Variants in TMTC1 observed in about 807,000 individuals in gnomAD.
TMTC1 encodes protein O-mannosyl-transferase TMTC1.
TMTC1 carries 73 observed loss-of-function variants against 104.8 expected under a neutral mutation model. The observed-to-expected ratio is 0.70, with a 90% CI of 0.58 to 0.85. The LOEUF (loss-of-function observed/expected upper bound fraction) is 0.85. Ranked by LOEUF, TMTC1 falls within the 40% of genes least tolerant of loss-of-function variation. TMTC1 has a pLI of 0.00. For missense variants in TMTC1, 1,035 were observed against 1,096.1 expected (o/e 0.94, Z 0.79); for synonymous variants, 434 against 428.7 (o/e 1.01, Z -0.15).
At chr12:29,784,076 C>T (rs2120717758), upstream of TMTC1, among the ~76,000 whole-genome samples, 1 of 152,074 alleles carries the variant, frequency 6.6e-6, no homozygotes, top group Non-Finnish European at 1.5e-5. Context: ...GCCCTCTGCC[C>T]CCGGCCCGCC....
At position 29,650,803 on chromosome 12, in the gene TMTC1, C is replaced by T. The variant is rs185383042; in HGVS notation, c.939-17467G>A. ...GGAGATCTGCAAGGGCCCAGGATTC[C>T]GAGGCGTTCAGTTCTGGTGGTTCAT... is the stretch of plus-strand genomic sequence containing the variant. On this transcript the variant is annotated intron_variant, in intron 5 of 17. Transcript: ENST00000539277. Among the ~76,000 whole-genome samples, 59 of 152,206 alleles carry T rather than the reference C, an allele frequency of 3.9e-4. No individual in the cohort carries two copies. In the East Asian group the frequency reaches 6.6e-3, roughly 17 times the overall value.
intron 5 of TMTC1, among the ~76,000 whole-genome samples, chr12:29,664,157 A>G (rs1229306920): frequency 2.0e-5 from 3 of 151,460 alleles, no homozygotes; most frequent in Non-Finnish European, 4.4e-5. Flanking sequence ...ACTGCACTCC[A>G]GCCTGGGCGA....
At chr12:29,735,885 G>A (rs1942659253) in intron 5 of TMTC1, among the ~76,000 whole-genome samples, 1 of 152,194 alleles carries the variant, frequency 6.6e-6, no homozygotes, top group Non-Finnish European at 1.5e-5. Flanking sequence ...CTCTGAGTCA[G>A]CCTTGCATAA....
At chr12:29,624,438 G>T (rs1439066918) in intron 6 of TMTC1, among the ~76,000 whole-genome samples, 1 of 152,170 alleles carries the variant, frequency 6.6e-6, no homozygotes, top group Non-Finnish European at 1.5e-5. Flanking sequence ...GATACTGTGT[G>T]TGCTCAAGGT....
chr12:29,707,114 T>C (rs1340977517), intron 5 of TMTC1, among the ~76,000 whole-genome samples: 1 of 151,996 alleles, frequency 6.6e-6, no homozygotes, highest in Non-Finnish European at 1.5e-5. Flanking sequence ...CCCTGCAAAA[T>C]GGTTGCTTTT....
intron 7 of TMTC1, among the ~76,000 whole-genome samples, chr12:29,589,563 T>A (rs1946226808): frequency 6.6e-6 from 1 of 152,216 alleles, no homozygotes; most frequent in Non-Finnish European, 1.5e-5. Context: ...AACTACTGCA[T>A]TCATGACATC....
chr12:29,761,202 G>T (rs991270281), intron 2 of TMTC1, among the ~76,000 whole-genome samples: 1 of 150,198 alleles, frequency 6.7e-6, no homozygotes, highest in African/African-American at 2.4e-5. Context: ...ATGAAGACTG[G>T]TAACTGTTTC....
chr12:29,710,133 CGTTT>C (rs750223479), intron 5 of TMTC1, among the ~76,000 whole-genome samples: 1 of 152,074 alleles, frequency 6.6e-6, no homozygotes, highest in Non-Finnish European at 1.5e-5. Flanking sequence ...TCTGTTTTCT[CGTTT>C]GTTTCCCTCT....
intron 4 of TMTC1, among the ~76,000 whole-genome samples, chr12:29,752,815 T>G (rs1943124511): frequency 6.6e-6 from 1 of 152,148 alleles, no homozygotes; most frequent in Non-Finnish European, 1.5e-5. Context: ...GTATATGAAG[T>G]AAAGTCCTAG....
At chr12:29,645,796 G>T (rs1939240661) in intron 5 of TMTC1, among the ~76,000 whole-genome samples, 1 of 152,174 alleles carries the variant, frequency 6.6e-6, no homozygotes, top group Non-Finnish European at 1.5e-5. Flanking sequence ...CTCTATACAA[G>T]AATCCTGTTG....
intron 14 of TMTC1, 71 bp downstream of exon 14, chr12:29,517,356 T>C (rs1196244647): frequency 1.9e-6 from 3 of 1,556,504 alleles, no homozygotes; most frequent in Non-Finnish European, 2.6e-6. Flanking sequence ...TTTTGAGGCG[T>C]GAGGACTACA....
chr12:29,538,375 G>C (rs1191181069), intron 10 of TMTC1, among the ~76,000 whole-genome samples: 1 of 151,830 alleles, frequency 6.6e-6, no homozygotes, highest in African/African-American at 2.4e-5. Context: ...ATTATCTTAT[G>C]GTCAGCAGAA....
chr12:29,544,089 C>CA (rs778434352), intron 10 of TMTC1, among the ~76,000 whole-genome samples: 17 of 151,964 alleles, frequency 1.1e-4, no homozygotes, highest in Admixed American at 2.6e-4. Context: ...ACTAAAAATA[C>CA]AAAAATTAGC....
At chr12:29,735,731 G>C (rs568004318) in intron 5 of TMTC1, among the ~76,000 whole-genome samples, 4 of 152,188 alleles carry the variant, frequency 2.6e-5, no homozygotes, top group Non-Finnish European at 5.9e-5. Context: ...ATTGGGTATT[G>C]CTAAGAGTCA....
At chr12:29,763,053 C>A (rs1024724345) in intron 2 of TMTC1, among the ~76,000 whole-genome samples, 1 of 152,190 alleles carries the variant, frequency 6.6e-6, no homozygotes, top group Non-Finnish European at 1.5e-5. Context: ...GCAAGACTTG[C>A]AAGCTGTTAC....
intron 5 of TMTC1, among the ~76,000 whole-genome samples, chr12:29,730,440 T>C (rs2136914370): frequency 6.6e-6 from 1 of 152,334 alleles, no homozygotes; most frequent in Non-Finnish European, 1.5e-5. Context: ...CAAGGTCATC[T>C]TTCCACACCT....
chr12:29,767,784 A>G, intron 2 of TMTC1, 114 bp downstream of exon 2: 3 of 988,772 alleles, frequency 3.0e-6, no homozygotes, highest in Non-Finnish European at 4.4e-6. Flanking sequence ...ATACACACAC[A>G]TATCTACATA....
chr12:29,673,546 A>G (rs974464964), intron 5 of TMTC1, among the ~76,000 whole-genome samples: 1 of 152,104 alleles, frequency 6.6e-6, no homozygotes, highest in Non-Finnish European at 1.5e-5. Flanking sequence ...AAGCCCAAGT[A>G]GGAAAGTTGC....
At chr12:29,730,047 G>C (rs939440733) in intron 5 of TMTC1, among the ~76,000 whole-genome samples, 2 of 152,160 alleles carry the variant, frequency 1.3e-5, no homozygotes, top group African/African-American at 4.8e-5. Flanking sequence ...AACAAGGGAT[G>C]GGGGGAAGTA....
Sources: gnomAD v4.1 joint callset for allele counts (sites outside exome capture counted in the v4.1 genomes callset) on GRCh38, gnomAD v4.1.1 for gene constraint, MANE v1.5 for transcripts, NCBI Gene and HGNC (gene_info 2026-07-23, HGNC 2026-07-21) for gene names.